The following CFAP221 variants were observed in gnomAD, a reference collection of about 807,000 sequenced individuals.
The protein encoded by CFAP221 is cilia- and flagella-associated protein 221.
A neutral mutation model predicts 113.1 loss-of-function variants in CFAP221; 97 were observed. The ratio of observed to expected loss-of-function variants is 0.86; its 90% CI spans 0.73 to 1.02. The LOEUF is 1.02. Among genes scored for constraint, CFAP221 ranks in the 50% least tolerant of loss-of-function variants. The pLI, the probability that CFAP221 is intolerant of heterozygous loss-of-function variation, is 0.00. For missense variants in CFAP221, 1,025 were observed against 1,013.4 expected, an observed-to-expected ratio of 1.01 and a Z score of -0.16; for synonymous variants, 331 against 354.4, an observed-to-expected ratio of 0.93 and a Z score of 0.74.
intron 6 of CFAP221, 55 bp from the exon 7 acceptor site, chr2:119,587,063 AG>A: frequency 1.5e-6 from 2 of 1,309,750 alleles, no homozygotes; most frequent in Non-Finnish European, 2.1e-6. Flanking sequence ...TGCTACCAAA[AG>A]AACCAGTTAT....
intron 19 of CFAP221, among the ~76,000 whole-genome samples, chr2:119,632,751 C>CAA (rs369387347): frequency 3.7e-5 from 5 of 136,166 alleles, no homozygotes; most frequent in African/African-American, 1.3e-4. Flanking sequence ...ATGAAATCTA[C>CAA]AAAAAAAACT....
At position 119,608,498 on chromosome 2, in the gene CFAP221, C is replaced by G; in HGVS notation, c.1134-4C>G. 4 of 1,589,314 alleles carry G rather than the reference C, an allele frequency of 2.5e-6. No individual in the cohort carries two copies. In the Admixed American group the frequency reaches 7.4e-5, roughly 29 times the overall value. ...TGGACACAGTTTTTTTTTTTTCTCCCCAGGCAGGTGCACCTTGGTAAAGAT... is the reference window on the plus strand; with the variant it reads ...TGGACACAGTTTTTTTTTTTTCTCCGCAGGCAGGTGCACCTTGGTAAAGAT... On this transcript the variant is annotated splice_polypyrimidine_tract_variant and splice_region_variant and intron_variant, in intron 11 of 23. Coordinates refer to ENST00000413369, the MANE Select transcript of CFAP221 (RefSeq NM_001271049.2).
chr2:119,616,026 A>G (rs1052149067), intron 14 of CFAP221, among the ~76,000 whole-genome samples: 12 of 152,206 alleles, frequency 7.9e-5, no homozygotes, highest in East Asian at 1.9e-4. Flanking sequence ...TTTTCTGGGC[A>G]TTTCATATAA....
At chr2:119,568,878 A>G (rs931565026) in intron 6 of CFAP221, among the ~76,000 whole-genome samples, 9 of 152,184 alleles carry the variant, frequency 5.9e-5, no homozygotes, top group African/African-American at 1.4e-4. Flanking sequence ...CGTTTCTCGC[A>G]AGGCAGGTCC....
Position 119,605,352 on chromosome 2 carries a change from T to G in CFAP221, c.1133+63T>G, listed in dbSNP as rs1684669129. 4 of 1,285,016 alleles carry G rather than the reference T, an allele frequency of 3.1e-6. No individual in the cohort carries two copies. In the East Asian group the frequency reaches 9.4e-5, roughly 30 times the overall value. The allele number at this position is 1,285,016 out of a possible 1,614,324, so 79.6% of individuals were successfully genotyped here. On this transcript the variant is annotated intron_variant, in intron 11 of 23. Coordinates refer to ENST00000413369, the MANE Select transcript of CFAP221 (RefSeq NM_001271049.2). ...CAGTTATTTTTAGGTGATGATCTTT[T>G]ATAAATGAGAGACAGTAAAATGTAA...
intron 6 of CFAP221, chr2:119,572,535 G>A (rs1411560632): frequency 5.7e-6 from 4 of 701,270 alleles, no homozygotes; most frequent in Non-Finnish European, 1.0e-5. Flanking sequence ...ATCATGCTCT[G>A]TAGTTTACCC....
chr2:119,627,728 A>G lies in CFAP221; in HGVS notation c.1592A>G (p.Lys531Arg). Residue 531 changes from lysine to arginine, a missense_variant, in exon 16 of 24, where the codon AAG becomes AGG. Physicochemically the swap from Lys to Arg is conservative, Grantham distance 26 (BLOSUM62 2). Transcript: ENST00000413369. Reference protein sequence around the residue: ...DYTSRFSVSPKEVLPFAFPDC... With the variant: ...DYTSRFSVSPREVLPFAFPDC... ...ACCAGCCGGTTCTCTGTGTCGCCCA[A>G]GGAGGTGCTGCCCTTCGCTTTCCCA... The G allele has an allele frequency of 8.7e-6, 14 of 1,613,882 alleles. No individual in the cohort carries two copies. The highest frequency in any genetic ancestry group is 1.1e-5 in the Non-Finnish European group (13 of 1,179,946).
intron 14 of CFAP221, among the ~76,000 whole-genome samples, chr2:119,623,115 C>T (rs1305125478): frequency 2.0e-5 from 3 of 152,166 alleles, no homozygotes; most frequent in Non-Finnish European, 2.9e-5. Context: ...ATTTAGAAAA[C>T]CCCATTGTCT....
intron 17 of CFAP221, among the ~76,000 whole-genome samples, chr2:119,630,285 GT>G (rs1436987319): frequency 6.6e-6 from 1 of 152,178 alleles, no homozygotes; most frequent in East Asian, 1.9e-4. Flanking sequence ...GACCACTTCT[GT>G]TTTTTAAAAT....
At chr2:119,560,638 G>A (rs1681178764) in intron 5 of CFAP221, among the ~76,000 whole-genome samples, 1 of 152,086 alleles carries the variant, frequency 6.6e-6, no homozygotes, top group African/African-American at 2.4e-5. Flanking sequence ...AGCTTGAGAA[G>A]CCATTAGGTT....
Position 119,560,023 on chromosome 2 carries a change from T to A in CFAP221, c.423T>A (p.Cys141Ter). 1 of 1,514,764 alleles carries A rather than the reference T, an allele frequency of 6.6e-7. No homozygotes were observed. 93.8% of individuals were successfully genotyped at this position (1,514,764 alleles called of 1,614,324 possible). Residue 141 changes from cysteine to a stop codon, truncating the protein, a stop_gained, in exon 5 of 24, where the codon TGT becomes TGA. Coordinates refer to ENST00000413369, the MANE Select transcript of CFAP221 (RefSeq NM_001271049.2). LOFTEE classifies it high-confidence loss of function. ...RYYYDCIRVH[C>*]KGDDTLLVPI... ...ATTATGACTGCATCCGTGTTCACTG[T>A]AAGGTAGGTCTCTTAAAATTGCTTT...
At chr2:119,612,685 A>C (rs1444192309) in intron 13 of CFAP221, among the ~76,000 whole-genome samples, 1 of 152,180 alleles carries the variant, frequency 6.6e-6, no homozygotes, top group Non-Finnish European at 1.5e-5. Context: ...ATGCCCTTCT[A>C]TGAGGGTCAT....
chr2:119,583,087 G>A (rs947111880), intron 6 of CFAP221, among the ~76,000 whole-genome samples: 4 of 151,970 alleles, frequency 2.6e-5, no homozygotes, highest in African/African-American at 9.7e-5. Flanking sequence ...AACTTTTCAG[G>A]AAGCTTGAAA....
At chr2:119,564,524 A>G (rs941927309) in intron 6 of CFAP221, among the ~76,000 whole-genome samples, 22 of 152,288 alleles carry the variant, frequency 1.4e-4, no homozygotes, top group African/African-American at 5.1e-4. Flanking sequence ...TGTAATAACC[A>G]TTCCCTGGGT....
chr2:119,648,885 G>A (rs1687964457), intron 22 of CFAP221, among the ~76,000 whole-genome samples: 1 of 152,206 alleles, frequency 6.6e-6, no homozygotes, highest in Non-Finnish European at 1.5e-5. Flanking sequence ...AGACTGGCGT[G>A]AAGTACTGGC....
intron 6 of CFAP221, among the ~76,000 whole-genome samples, chr2:119,583,496 C>G (rs1682989783): frequency 6.8e-6 from 1 of 146,162 alleles, no homozygotes; most frequent in Admixed American, 7.0e-5. Flanking sequence ...CATAGAAAAT[C>G]TAAGGAAATC....
intron 21 of CFAP221, among the ~76,000 whole-genome samples, chr2:119,643,538 G>T (rs1203765463): frequency 6.6e-6 from 1 of 152,132 alleles, no homozygotes; most frequent in Non-Finnish European, 1.5e-5. Flanking sequence ...GTCAAGTAAG[G>T]ACATTAAATA....
chr2:119,636,697 C>T (rs900132452), intron 19 of CFAP221, among the ~76,000 whole-genome samples: 1 of 152,178 alleles, frequency 6.6e-6, no homozygotes, highest in Non-Finnish European at 1.5e-5. Flanking sequence ...GGCCTGGGAA[C>T]AGGAAGGGCC....
At chr2:119,640,431 A>AT (rs2104790678) in intron 21 of CFAP221, among the ~76,000 whole-genome samples, 1 of 152,270 alleles carries the variant, frequency 6.6e-6, no homozygotes, top group Admixed American at 6.5e-5. Context: ...GAGTGACTAC[A>AT]TTTTTGCTAA....
Sources: gnomAD v4.1 joint callset for allele counts (sites outside exome capture counted in the v4.1 genomes callset) on GRCh38, gnomAD v4.1.1 for gene constraint, MANE v1.5 for transcripts, NCBI Gene and HGNC (gene_info 2026-07-23, HGNC 2026-07-21) for gene names.